The following METTL22 variants were observed in gnomAD, a reference collection of about 807,000 sequenced individuals.
METTL22 encodes methyltransferase 22, Kin17 lysine, also known as methyltransferase-like protein 22.
In METTL22, 51 loss-of-function variants were observed where a neutral mutation model predicts 48.4. That is an observed-to-expected ratio of 1.05 (90% confidence interval 0.84 to 1.33). The LOEUF (loss-of-function observed/expected upper bound fraction) is 1.33. Among genes scored for constraint, METTL22 ranks in the 40% most tolerant of loss-of-function variants. METTL22 has a pLI of 0.00. For synonymous variants in METTL22, 255 were observed against 214.1 expected, an observed-to-expected ratio of 1.19 and a Z score of -1.67; for missense variants, 678 against 526.9, an observed-to-expected ratio of 1.29 and a Z score of -2.81.
At chr16:8,653,900 T>A (rs139661377), downstream of METTL22, among the ~76,000 whole-genome samples, 1 of 152,226 alleles carries the variant, frequency 6.6e-6, no homozygotes, top group Admixed American at 6.5e-5. Context: ...AAGGATGATA[T>A]CAGGGAAGAA....
chr16:8,639,886 C>A (rs183384267), intron 6 of METTL22, among the ~76,000 whole-genome samples: 1 of 152,042 alleles, frequency 6.6e-6, no homozygotes, highest in Admixed American at 6.6e-5. Flanking sequence ...TCTGCAGCGC[C>A]CCCCACCACC....
At position 8,646,424 on chromosome 16, in the gene METTL22, A is replaced by C. The variant is rs2056801752; in HGVS notation, c.*281A>C. The stretch of plus-strand genomic sequence containing the variant: ...GCCGAGCCACGTTCCTTCTCAGCTC[A>C]GTTCCACCCACGTCAGTCATTTCAG... On this transcript the variant is annotated 3_prime_UTR_variant, in exon 11 of 11. Coordinates refer to ENST00000381920, the MANE Select transcript of METTL22 (RefSeq NM_024109.4). 4 of 662,376 alleles carry C rather than the reference A, an allele frequency of 6.0e-6. No homozygotes were observed. Among genetic ancestry groups the C allele is most frequent in the Non-Finnish European group, 1.1e-5 (4 of 359,724 alleles). The allele number at this position is 662,376 out of a possible 1,614,324, so 41.0% of individuals were successfully genotyped here.
the METTL22 span, among the ~76,000 whole-genome samples, chr16:8,657,111 C>A: frequency 6.6e-6 from 1 of 152,206 alleles, no homozygotes; most frequent in Non-Finnish European, 1.5e-5. Flanking sequence ...GAACAGACAT[C>A]TAAACCACAG....
At chr16:8,664,479 G>A in the METTL22 span, among the ~76,000 whole-genome samples, 1 of 151,204 alleles carries the variant, frequency 6.6e-6, no homozygotes, top group African/African-American at 2.4e-5. Context: ...TTTGAGATGG[G>A]GTCTTGCTCT....
chr16:8,656,006 A>G, the METTL22 span, among the ~76,000 whole-genome samples: 2 of 152,218 alleles, frequency 1.3e-5, no homozygotes, highest in Non-Finnish European at 2.9e-5. Flanking sequence ...TGATGACCAC[A>G]TCTTTGCTCT....
chr16:8,656,523 T>C, the METTL22 span, among the ~76,000 whole-genome samples: 8 of 152,232 alleles, frequency 5.3e-5, no homozygotes, highest in East Asian at 1.2e-3. Context: ...ACTTGCAGAG[T>C]AAGATTCTCT....
At chr16:8,636,293 G>C (rs2056419007) in intron 5 of METTL22, among the ~76,000 whole-genome samples, 1 of 152,148 alleles carries the variant, frequency 6.6e-6, no homozygotes, top group Non-Finnish European at 1.5e-5. Context: ...CCAGCCCTTT[G>C]GGAGGCTGAG....
chr16:8,647,239 T>C lies in METTL22; in HGVS notation c.*1096T>C, dbSNP rs752055927. On this transcript the variant is annotated 3_prime_UTR_variant, in exon 11 of 11. Coordinates refer to ENST00000381920, the MANE Select transcript of METTL22 (RefSeq NM_024109.4). ...CCAGGCACTTGCAAGTCTAACTTCA[T>C]CTTCCCAACAAATTTAGGAGGTCCG... The C allele has an allele frequency of 9.6e-5, 15 of 156,298 alleles. No homozygotes were observed. The highest frequency in any genetic ancestry group is 3.7e-4 in the Admixed American group (6 of 16,302). 9.7% of individuals were successfully genotyped at this position (156,298 alleles called of 1,614,324 possible).
At chr16:8,634,550 C>G (rs1257677679) in intron 3 of METTL22, among the ~76,000 whole-genome samples, 2 of 151,782 alleles carry the variant, frequency 1.3e-5, no homozygotes, top group African/African-American at 4.9e-5. Flanking sequence ...TAAATTTAAA[C>G]TTATTTTTTT....
chr16:8,644,726 G>GTA lies in METTL22; in HGVS notation c.1179+2_1179+3dup. The GTA allele has an allele frequency of 6.3e-7, 1 of 1,576,864 alleles. No homozygotes were observed. Among genetic ancestry groups the GTA allele is most frequent in the Non-Finnish European group, 8.6e-7 (1 of 1,160,644 alleles). On this transcript the variant is annotated splice_donor_variant, in intron 10 of 10. Transcript: ENST00000381920. LOFTEE classifies it high-confidence loss of function. Reference sequence around the variant, plus strand: ...GGTTTACGAGCGCCTCCAGCAACTGGTAGGTCCAGGCCCCGAAGCAGGGCC... The same window carrying GTA: ...GGTTTACGAGCGCCTCCAGCAACTGGTATAGGTCCAGGCCCCGAAGCAGGGCC...
At chr16:8,657,207 T>G in the METTL22 span, among the ~76,000 whole-genome samples, 1 of 152,208 alleles carries the variant, frequency 6.6e-6, no homozygotes, top group Non-Finnish European at 1.5e-5. Flanking sequence ...AAAACCTGTT[T>G]GAAGTCACCC....
In METTL22 at chr16:8,647,481, G is replaced by A. The variant is rs1269796770; in HGVS notation, c.*1338G>A. ...TATTTGTGAGTGATTTTGCCTCCAGGAACATTTGGCAGTGCCTGGAGACAT... is the reference window on the plus strand; with the variant it reads ...TATTTGTGAGTGATTTTGCCTCCAGAAACATTTGGCAGTGCCTGGAGACAT... On this transcript the variant is annotated 3_prime_UTR_variant, in exon 11 of 11. Coordinates refer to ENST00000381920, the MANE Select transcript of METTL22 (RefSeq NM_024109.4). The A allele has an allele frequency of 1.3e-5, 2 of 152,218 alleles. No homozygotes were observed. The highest frequency in any genetic ancestry group is 4.8e-5 in the African/African-American group (2 of 41,450). The allele number at this position is 152,218 out of a possible 1,614,324, so 9.4% of individuals were successfully genotyped here. A position where few individuals can be genotyped will look rare whatever the true frequency, so the allele number is the denominator to read the frequency against.
the METTL22 span, among the ~76,000 whole-genome samples, chr16:8,665,818 G>A: frequency 6.6e-5 from 10 of 152,244 alleles, no homozygotes; most frequent in South Asian, 8.3e-4. Context: ...TTAGGAGCCT[G>A]AGGCCTGCAT....
At chr16:8,628,394 T>G (rs1279929512) in intron 2 of METTL22, among the ~76,000 whole-genome samples, 1 of 152,180 alleles carries the variant, frequency 6.6e-6, no homozygotes, top group Non-Finnish European at 1.5e-5. Flanking sequence ...TGTGTGGCCT[T>G]GGTCAGCTTA....
At chr16:8,624,777 G>T (rs2055986862) in intron 1 of METTL22, among the ~76,000 whole-genome samples, 1 of 152,054 alleles carries the variant, frequency 6.6e-6, no homozygotes, top group South Asian at 2.1e-4. Context: ...GAGGCAGGAG[G>T]ATCGCGTGAA....
the METTL22 span, among the ~76,000 whole-genome samples, chr16:8,661,287 G>C: frequency 6.6e-6 from 1 of 151,996 alleles, no homozygotes; most frequent in Non-Finnish European, 1.5e-5. Flanking sequence ...CAGCACGTGA[G>C]TTCTGAGAGC....
Position 8,647,596 on chromosome 16 carries a change from T to TG in METTL22, c.*1453_*1454insG, listed in dbSNP as rs60217349. ...TGCTGAACGTTCTATAATGCGGTAA[T>TG]CACGGAGCATCCCCCACAACACAAA... On this transcript the variant is annotated 3_prime_UTR_variant, in exon 11 of 11. Coordinates refer to ENST00000381920, the MANE Select transcript of METTL22 (RefSeq NM_024109.4). 0.99 allele frequency: 150,330 copies of TG among 152,224 alleles called. 74,262 individuals carry two copies. Among genetic ancestry groups the TG allele is most frequent in the Middle Eastern group, 1 (294 of 294 alleles). 9.4% of individuals were successfully genotyped at this position (152,224 alleles called of 1,614,324 possible). A position where few individuals can be genotyped will look rare whatever the true frequency, so the allele number is the denominator to read the frequency against.
intron 2 of METTL22, among the ~76,000 whole-genome samples, chr16:8,627,830 C>T (rs960063022): frequency 6.6e-6 from 1 of 152,142 alleles, no homozygotes; most frequent in Non-Finnish European, 1.5e-5. Context: ...ACTACAGCCT[C>T]GACCTCCCCA....
intron 5 of METTL22, among the ~76,000 whole-genome samples, chr16:8,635,861 C>T (rs921376162): frequency 2.6e-5 from 4 of 152,238 alleles, no homozygotes; most frequent in Admixed American, 6.5e-5. Context: ...GCCCTCAGGG[C>T]GCTTACGTTG....
Sources: allele counts gnomAD v4.1 joint callset (sites outside exome capture counted in the v4.1 genomes callset), GRCh38; gene constraint gnomAD v4.1.1; transcripts MANE v1.5; gene names NCBI Gene and HGNC (gene_info 2026-07-23, HGNC 2026-07-21).